Variants in KIR3DL1 observed in about 807,000 individuals in gnomAD.
KIR3DL1 encodes the protein killer cell immunoglobulin-like receptor 3DL1.
KIR3DL1 carries 50 observed loss-of-function variants against 40.3 expected under a neutral mutation model. The observed-to-expected ratio is 1.24, with a 90% confidence interval of 0.99 to 1.57. The LOEUF (loss-of-function observed/expected upper bound fraction) is 1.57. Among genes scored for constraint, KIR3DL1 ranks in the 40% most tolerant of loss-of-function variants. KIR3DL1 has a pLI of 0.00. For synonymous variants in KIR3DL1, 257 were observed against 207.2 expected (o/e 1.24, Z -2.07); for missense variants, 661 against 559.9 (o/e 1.18, Z -1.82).
At chr19:54,829,407 C>T in exon 7 of KIR3DL1, 1 of 1,405,490 alleles carries the variant, frequency 7.1e-7, no homozygotes, top group South Asian at 1.3e-5. Context: ...CAGTGGTCAT[C>T]ATCCTCTTCA....
intron 3 of KIR3DL1, among the ~76,000 whole-genome samples, chr19:54,819,445 T>C (rs1031538872): frequency 6.6e-6 from 1 of 150,936 alleles, no homozygotes; most frequent in Non-Finnish European, 1.5e-5. Context: ...GGAAAGAGAT[T>C]AGTGGGAAAC....
chr19:54,826,651 G>T (rs962757891), intron 6 of KIR3DL1, among the ~76,000 whole-genome samples: 9 of 149,142 alleles, frequency 6.0e-5, no homozygotes, highest in African/African-American at 2.3e-4. Flanking sequence ...ATAATGCTGA[G>T]TGTATAATTT....
At position 54,822,576 on chromosome 19, in the gene KIR3DL1, C is replaced by T. The variant is rs371995292; in HGVS notation, c.949+718C>T. Among the ~76,000 whole-genome samples the T allele has an allele frequency of 1.7e-4, 26 of 149,806 alleles. 1 individual carries two copies. The highest frequency in any genetic ancestry group is 5.7e-4 in the African/African-American group (23 of 40,478). On this transcript the variant is annotated intron_variant, in intron 5 of 8. Transcript: ENST00000391728. ...CCAGGAGGCAGAGGTTGCACTGAGC[C>T]GAGATCATGCCACTGCACTGCAGCC...
chr19:54,818,517 G>T, exon 3 of KIR3DL1: 1 of 1,611,522 alleles, frequency 6.2e-7, no homozygotes. Flanking sequence ...CACATGCAGG[G>T]AACTACACAT....
At chr19:54,818,074 G>C (rs2061437840) in intron 2 of KIR3DL1, among the ~76,000 whole-genome samples, 1 of 145,042 alleles carries the variant, frequency 6.9e-6, no homozygotes, top group African/African-American at 2.7e-5. Context: ...TTTTATATGA[G>C]TAATTTTGCA....
At chr19:54,816,689 A>AGTGGAGATCTGGGCCTGGG (rs2061347948) in intron 1 of KIR3DL1, among the ~76,000 whole-genome samples, 155 bp downstream of exon 1, 2 of 103,284 alleles carry the variant, frequency 1.9e-5, no homozygotes, top group Admixed American at 9.7e-5. Flanking sequence ...CTGGGCCTGG[A>AGTGGAGATCTGGGCCTGGG]GTGGAGATAG....
intron 2 of KIR3DL1, among the ~76,000 whole-genome samples, chr19:54,817,828 G>A (rs527974863): frequency 4.0e-5 from 6 of 148,876 alleles, no homozygotes; most frequent in Admixed American, 2.7e-4. Flanking sequence ...GAGAAAGAGA[G>A]GGAAGCAGTG....
At chr19:54,817,785 T>C (rs369624341) in intron 2 of KIR3DL1, among the ~76,000 whole-genome samples, 4,785 of 147,576 alleles carry the variant, frequency 0.032, 163 homozygotes, top group Middle Eastern at 0.071. Flanking sequence ...TGCTCCAAGA[T>C]GGGTGTGCAG....
At chr19:54,829,191 A>G (rs1366046556) in intron 6 of KIR3DL1, among the ~76,000 whole-genome samples, 170 bp from the exon 7 acceptor site, 1 of 142,936 alleles carries the variant, frequency 7.0e-6, no homozygotes, top group Non-Finnish European at 1.5e-5. Flanking sequence ...TTCCATGGTT[A>G]CTATGAGAGC....
At position 54,819,827 on chromosome 19, in the gene KIR3DL1, A is replaced by G. The variant is rs769364939; in HGVS notation, c.470A>G (p.Lys157Arg). ...ATGTTTGAGCACTTCTTTCTGCACA[A>G]AGAGGGGATCTCTAAGGACCCCTCA... Residue 157 changes from lysine to arginine, a missense_variant, in exon 4 of 9, where the codon AAA (lysine) becomes AGA (arginine). Lys to Arg is a conservative substitution (Grantham distance 26). Coordinates refer to ENST00000391728, the Ensembl canonical transcript of KIR3DL1. 4.2e-5 allele frequency: 67 copies of G among 1,611,940 alleles called. No individual in the cohort carries two copies. In the Admixed American group the frequency reaches 4.2e-4, roughly 10 times the overall value.
At chr19:54,826,827 T>C (rs2061919514) in intron 6 of KIR3DL1, among the ~76,000 whole-genome samples, 1 of 151,054 alleles carries the variant, frequency 6.6e-6, no homozygotes, top group African/African-American at 2.5e-5. Context: ...CTGCCTGAAA[T>C]GCTGGGAATG....
intron 4 of KIR3DL1, 116 bp from the exon 5 acceptor site, chr19:54,821,441 GGAGGGTGA>G: frequency 8.1e-7 from 1 of 1,240,930 alleles, no homozygotes; most frequent in Non-Finnish European, 1.1e-6. Flanking sequence ...GAGATGGGGT[GGAGGGTGA>G]GAGAGAGAGA....
In KIR3DL1 at chr19:54,828,311, C is replaced by T. The variant is rs552197484; in HGVS notation, c.1001-1050C>T. On this transcript the variant is annotated intron_variant, in intron 6 of 8. Coordinates refer to ENST00000391728, the Ensembl canonical transcript of KIR3DL1. ...GGATGTAGAAATCCTAAAGCACATT[C>T]GCTGTGTATCAATCCCAGTCCAGTC... Among the ~76,000 whole-genome samples, 64 of 151,414 alleles carry T rather than the reference C, an allele frequency of 4.2e-4. 3 individuals are homozygous for T. Among genetic ancestry groups the T allele is most frequent in the African/African-American group, 1.5e-3 (62 of 40,906 alleles).
In KIR3DL1 at chr19:54,819,865, C is replaced by T. The variant is rs998946216; in HGVS notation, c.508C>T (p.Gln170Ter). ...TAAGGACCCCTCACGCCTCGTTGGA[C>T]AGATCCATGATGGGGTCTCCAAGGC... The change falls in exon 4 of 9, where the codon CAG (glutamine) becomes TAG (stop). Residue 170 changes from glutamine (Q) to a stop codon, truncating the protein, a stop_gained. Coordinates refer to ENST00000391728, the Ensembl canonical transcript of KIR3DL1. LOFTEE classifies it high-confidence loss of function. 3 of 1,612,096 alleles carry T rather than the reference C, an allele frequency of 1.9e-6. No homozygotes were observed. The highest frequency in any genetic ancestry group is 2.5e-6 in the Non-Finnish European group (3 of 1,179,552).
Position 54,817,519 on chromosome 19 carries a change from G to T in KIR3DL1, c.35-15G>T. 1 of 1,503,772 alleles carries T rather than the reference G, an allele frequency of 6.6e-7. No individual in the cohort carries two copies. Among genetic ancestry groups the T allele is most frequent in the Non-Finnish European group, 9.1e-7 (1 of 1,100,704 alleles). 93.2% of individuals were successfully genotyped at this position (1,503,772 alleles called of 1,614,324 possible). ...TGCCTGCAGAGGGATGGTCCATCAT[G>T]ATCTTTCTTTCTAGGGTTGTTCTTG... On this transcript the variant is annotated splice_polypyrimidine_tract_variant and intron_variant, in intron 1 of 8. Transcript: ENST00000391728.
Position 54,829,473 on chromosome 19 carries a change from T to A in KIR3DL1, c.1105+8T>A. ...GGTGCTCCAACAAAAAAAGTAAGTC[T>A]CACGGGGCACAGGCCAGAGAGCTCA... On this transcript the variant is annotated splice_region_variant and intron_variant, in intron 7 of 8. Coordinates refer to ENST00000391728, the Ensembl canonical transcript of KIR3DL1. The A allele has an allele frequency of 6.8e-7, 1 of 1,461,666 alleles. No homozygotes were observed. Among genetic ancestry groups the A allele is most frequent in the African/African-American group, 1.4e-5 (1 of 70,706 alleles). 90.5% of individuals were successfully genotyped at this position (1,461,666 alleles called of 1,614,324 possible).
chr19:54,819,955 A>C, exon 4 of KIR3DL1: 1 of 1,611,720 alleles, frequency 6.2e-7, no homozygotes, highest in Non-Finnish European at 8.5e-7. Context: ...CGGTTCTGTT[A>C]CTCACACCCC....
Position 54,817,166 on chromosome 19 carries a change from T to C in KIR3DL1, c.35-368T>C, listed in dbSNP as rs113690030. ...GAAGCCTGGAGTGGAAATATGGGCC[T>C]GGAGTGGAGATATGAGCCTGGAGTG... On this transcript the variant is annotated intron_variant, in intron 1 of 8. Coordinates refer to ENST00000391728, the Ensembl canonical transcript of KIR3DL1. Among the ~76,000 whole-genome samples the C allele has an allele frequency of 2.2e-3, 320 of 143,484 alleles. 4 individuals carry two copies. The highest frequency in any genetic ancestry group is 8.1e-3 in the African/African-American group (306 of 37,982). 94.1% of individuals were successfully genotyped at this position (143,484 alleles called of 152,430 possible). A position where few individuals can be genotyped will look rare whatever the true frequency, so the allele number is the denominator to read the frequency against.
chr19:54,816,580 T>G (rs937142895), intron 1 of KIR3DL1, 46 bp downstream of exon 1: 1 of 1,604,962 alleles, frequency 6.2e-7, no homozygotes, highest in Non-Finnish European at 8.5e-7. Context: ...GGGATGGAGA[T>G]CTGGACCTGG....
Sources: allele counts gnomAD v4.1 joint callset (sites outside exome capture counted in the v4.1 genomes callset), GRCh38; gene constraint gnomAD v4.1.1; transcripts MANE v1.5; gene names NCBI Gene and HGNC (gene_info 2026-07-23, HGNC 2026-07-21).